COL11A1: variants seen among roughly 807,000 people sequenced by gnomAD.
COL11A1 encodes collagen type XI alpha 1 chain, also known as collagen alpha-1(XI) chain.
COL11A1 carries 74 observed loss-of-function variants against 265.2 expected under a neutral mutation model. The ratio of observed to expected loss-of-function variants is 0.28; its 90% CI spans 0.23 to 0.34. COL11A1 has a LOEUF of 0.34. Ranked by LOEUF, COL11A1 falls within the 10% of genes least tolerant of loss-of-function variation. The pLI, the probability that COL11A1 is intolerant of heterozygous loss-of-function variation, is 1.00. For synonymous variants in COL11A1, 816 were observed against 727.6 expected (o/e 1.12, Z -1.96); for missense variants, 2,165 against 2,263.6 (o/e 0.96, Z 0.88).
At chr1:102,947,802 A>G (rs1417889728) in intron 41 of COL11A1, among the ~76,000 whole-genome samples, 1 of 151,982 alleles carries the variant, frequency 6.6e-6, no homozygotes, top group Non-Finnish European at 1.5e-5. Flanking sequence ...TAAGTATTGT[A>G]AAGCTCAAGT....
intron 54 of COL11A1, among the ~76,000 whole-genome samples, chr1:102,903,931 T>G (rs1041631571): frequency 2.0e-5 from 3 of 152,166 alleles, no homozygotes; most frequent in Non-Finnish European, 4.4e-5. Flanking sequence ...GGTGCTATCT[T>G]GGCTCACTGC....
intron 42 of COL11A1, among the ~76,000 whole-genome samples, 163 bp from the exon 43 acceptor site, chr1:102,940,597 A>T (rs1236492235): frequency 6.6e-6 from 1 of 152,214 alleles, no homozygotes; most frequent in Non-Finnish European, 1.5e-5. Flanking sequence ...TGTGACTAAG[A>T]ATACTATTTT....
chr1:103,054,670 G>T (rs908973811), intron 4 of COL11A1, among the ~76,000 whole-genome samples: 1 of 152,110 alleles, frequency 6.6e-6, no homozygotes, highest in Non-Finnish European at 1.5e-5. Flanking sequence ...GGGAGGCCGA[G>T]GTGGATGGAT....
chr1:103,015,342 T>C lies in COL11A1; in HGVS notation c.1488+326A>G, dbSNP rs575345249. Among the ~76,000 whole-genome samples, 194 of 151,978 alleles carry C rather than the reference T, an allele frequency of 1.3e-3. 1 individual carries two copies. The highest frequency in any genetic ancestry group is 0.01 in the Middle Eastern group (3 of 294). On this transcript the variant is annotated intron_variant, in intron 12 of 66. Coordinates refer to ENST00000370096, the MANE Select transcript of COL11A1 (RefSeq NM_001854.4). Reference sequence around the variant, plus strand: ...TTATGACTATATAGATAATAGATGGTAAATAGTATATTAATGTTATGTTAA... The same window carrying C: ...TTATGACTATATAGATAATAGATGGCAAATAGTATATTAATGTTATGTTAA...
chr1:102,936,369 T>TA (rs145044378), intron 44 of COL11A1, among the ~76,000 whole-genome samples: 2 of 134,222 alleles, frequency 1.5e-5, no homozygotes, highest in African/African-American at 5.2e-5. Context: ...AAAACTATGA[T>TA]TTTTTAGTTA....
At chr1:103,077,685 G>A (rs1672081876) in intron 3 of COL11A1, among the ~76,000 whole-genome samples, 1 of 151,872 alleles carries the variant, frequency 6.6e-6, no homozygotes, top group Admixed American at 6.6e-5. Flanking sequence ...TGGATTCAGT[G>A]ATAAAATATT....
intron 37 of COL11A1, among the ~76,000 whole-genome samples, chr1:102,968,958 T>C (rs1323133863): frequency 2.0e-5 from 3 of 152,200 alleles, no homozygotes; most frequent in Non-Finnish European, 4.4e-5. Flanking sequence ...TCTATAGTTA[T>C]TCCCAGAAAG....
chr1:103,052,940 G>C (rs1669947583), intron 4 of COL11A1, among the ~76,000 whole-genome samples: 1 of 152,126 alleles, frequency 6.6e-6, no homozygotes, highest in East Asian at 1.9e-4. Flanking sequence ...AGACAAACAA[G>C]AATGCAAATG....
chr1:103,048,798 G>T (rs1049079640), intron 4 of COL11A1, among the ~76,000 whole-genome samples: 1 of 152,092 alleles, frequency 6.6e-6, no homozygotes, highest in South Asian at 2.1e-4. Context: ...GGTATGTTGT[G>T]TCTTTTTTCT....
Position 102,912,294 on chromosome 1 carries a change from C to G in COL11A1, c.4033-82G>C, listed in dbSNP as rs556779672. ...TAAATTTTCAAAATCTGGATGGAAA[C>G]CAACCCTCTTTCTTCATTTCCACAT... On this transcript the variant is annotated intron_variant, in intron 53 of 66. Transcript: ENST00000370096. The G allele has an allele frequency of 5.6e-6, 6 of 1,076,102 alleles. No homozygotes were observed. The African/African-American group carries it at 9.6e-5, about 17-fold the overall frequency. 66.7% of individuals were successfully genotyped at this position (1,076,102 alleles called of 1,614,324 possible).
At chr1:102,939,748 T>G (rs1381603653) in intron 43 of COL11A1, among the ~76,000 whole-genome samples, 3 of 151,990 alleles carry the variant, frequency 2.0e-5, no homozygotes, top group Non-Finnish European at 4.4e-5. Flanking sequence ...ATGGAAAAAA[T>G]TCTTTTCTGC....
intron 14 of COL11A1, 58 bp from the exon 15 acceptor site, chr1:103,008,574 T>G: frequency 7.7e-7 from 1 of 1,297,040 alleles, no homozygotes; most frequent in Non-Finnish European, 1.1e-6. Context: ...ACTACTTTTA[T>G]CCTGCCAATT....
chr1:103,054,944 T>C (rs1670125258), intron 4 of COL11A1, among the ~76,000 whole-genome samples: 1 of 152,012 alleles, frequency 6.6e-6, no homozygotes, highest in Non-Finnish European at 1.5e-5. Context: ...CATAAAACAC[T>C]CAATACTGCA....
chr1:102,923,451 T>C (rs1272160668), intron 46 of COL11A1, 62 bp from the exon 47 acceptor site: 14 of 1,282,866 alleles, frequency 1.1e-5, no homozygotes, highest in Non-Finnish European at 1.3e-5. Context: ...AAAAGTTTGG[T>C]CAATTTCTAA....
chr1:103,034,513 C>A (rs983367971), intron 4 of COL11A1, among the ~76,000 whole-genome samples: 3 of 152,028 alleles, frequency 2.0e-5, no homozygotes, highest in African/African-American at 7.2e-5. Context: ...TACTTTTCAA[C>A]TACAGTACTA....
chr1:103,095,163 TA>T (rs1294457210), intron 1 of COL11A1, among the ~76,000 whole-genome samples: 1 of 152,096 alleles, frequency 6.6e-6, no homozygotes, highest in African/African-American at 2.4e-5. Flanking sequence ...CAATACTGCA[TA>T]AAATGGAATA....
intron 11 of COL11A1, among the ~76,000 whole-genome samples, chr1:103,016,779 G>C (rs1666602486): frequency 6.6e-6 from 1 of 151,902 alleles, no homozygotes; most frequent in African/African-American, 2.4e-5. Context: ...TCAAGGAACT[G>C]TTAAAGTAAG....
chr1:103,009,995 C>T (rs977759430), intron 14 of COL11A1, among the ~76,000 whole-genome samples: 3 of 152,098 alleles, frequency 2.0e-5, no homozygotes, highest in Non-Finnish European at 2.9e-5. Context: ...GTATTACATT[C>T]TCTGTATATA....
chr1:102,976,289 C>CTTTTTTT (rs149842131), intron 35 of COL11A1, among the ~76,000 whole-genome samples: 1,461 of 58,584 alleles, frequency 0.025, 466 homozygotes, highest in East Asian at 0.085. Context: ...AAAACGTTGG[C>CTTTTTTT]TTTTTTTTTT....
Sources: gnomAD v4.1 joint callset for allele counts (sites outside exome capture counted in the v4.1 genomes callset) on GRCh38, gnomAD v4.1.1 for gene constraint, MANE v1.5 for transcripts, NCBI Gene and HGNC (gene_info 2026-07-23, HGNC 2026-07-21) for gene names.